EIF3J: variants seen among roughly 807,000 people sequenced by gnomAD.
EIF3J encodes eukaryotic translation initiation factor 3 subunit J.
EIF3J carries 15 observed loss-of-function variants against 39.0 expected under a neutral mutation model. The observed-to-expected ratio is 0.38, with a 90% CI of 0.26 to 0.59. The LOEUF (loss-of-function observed/expected upper bound fraction) is 0.59, where lower values mean the gene tolerates loss of function less well. Ranked by LOEUF, EIF3J falls within the 20% of genes least tolerant of loss-of-function variation. The pLI is 0.60. For synonymous variants in EIF3J, 98 were observed against 112.9 expected, an observed-to-expected ratio of 0.87 and a Z score of 0.84; for missense variants, 226 against 308.6, an observed-to-expected ratio of 0.73 and a Z score of 2.00.
chr15:44,549,493 G>C (rs1054057110), intron 2 of EIF3J, among the ~76,000 whole-genome samples: 1 of 152,134 alleles, frequency 6.6e-6, no homozygotes, highest in Non-Finnish European at 1.5e-5. Context: ...ACTGGGGCTA[G>C]GCACGGTGGC....
intron 2 of EIF3J, 22 bp downstream of exon 2, chr15:44,537,449 G>T: frequency 6.6e-7 from 1 of 1,512,470 alleles, no homozygotes. Flanking sequence ...CTAGGGCGCC[G>T]GGCAGCGCGG....
Position 44,553,863 on chromosome 15 carries a change from C to T in EIF3J, c.295-690C>T, listed in dbSNP as rs1289767117. Among the ~76,000 whole-genome samples the T allele has an allele frequency of 2.0e-5, 3 of 152,144 alleles. No homozygotes were observed. The East Asian group carries it at 5.8e-4, about 29-fold the overall frequency. On this transcript the variant is annotated intron_variant, in intron 4 of 7. Coordinates refer to ENST00000261868, the MANE Select transcript of EIF3J (RefSeq NM_003758.4). ...AGACTTGATCCATATTACCAAGTTG[C>T]CCTAGAAAGGGTTTTCCAATATAGT...
chr15:44,557,711 A>G, intron 6 of EIF3J, 61 bp downstream of exon 6: 1 of 1,257,890 alleles, frequency 7.9e-7, no homozygotes. Flanking sequence ...TCTCTTCAGG[A>G]GGTTGAAGGT....
intron 6 of EIF3J, among the ~76,000 whole-genome samples, chr15:44,558,337 C>T (rs1355447096): frequency 6.6e-6 from 1 of 152,110 alleles, no homozygotes; most frequent in Non-Finnish European, 1.5e-5. Flanking sequence ...GGCGCAGTGG[C>T]TCATGCCTGT....
At chr15:44,541,503 C>A (rs569909840) in intron 2 of EIF3J, among the ~76,000 whole-genome samples, 88 of 152,274 alleles carry the variant, frequency 5.8e-4, no homozygotes, top group African/African-American at 2.0e-3. Context: ...CATAGCAAGA[C>A]CCCAACACAT....
intron 7 of EIF3J, chr15:44,560,589 G>A (rs1296907170): frequency 2.5e-6 from 1 of 398,308 alleles, no homozygotes; most frequent in African/African-American, 2.0e-5. Context: ...AGGTAAATCA[G>A]CTTTTCTAAG....
intron 2 of EIF3J, among the ~76,000 whole-genome samples, chr15:44,544,520 C>T (rs1056379031): frequency 2.7e-5 from 4 of 149,030 alleles, no homozygotes; most frequent in African/African-American, 9.9e-5. Flanking sequence ...GCCTGACCAA[C>T]ATGGAGAAAC....
intron 4 of EIF3J, among the ~76,000 whole-genome samples, chr15:44,553,491 C>CA (rs879690186): frequency 1.1e-3 from 123 of 114,022 alleles, no homozygotes; most frequent in Admixed American, 2.3e-3. Flanking sequence ...GACTCCATCT[C>CA]AAAAAAAAAA....
intron 2 of EIF3J, among the ~76,000 whole-genome samples, chr15:44,538,016 C>T (rs2081974988): frequency 6.6e-6 from 1 of 152,066 alleles, no homozygotes; most frequent in South Asian, 2.1e-4. Flanking sequence ...ATGAACTGAC[C>T]ACTGAGATAG....
intron 6 of EIF3J, 54 bp downstream of exon 6, chr15:44,557,704 C>G: frequency 7.7e-7 from 1 of 1,301,952 alleles, no homozygotes; most frequent in Non-Finnish European, 1.0e-6. Flanking sequence ...AGGATGTTCT[C>G]TTCAGGAGGT....
chr15:44,539,415 T>C (rs2081989131), intron 2 of EIF3J, among the ~76,000 whole-genome samples: 1 of 148,390 alleles, frequency 6.7e-6, no homozygotes, highest in Admixed American at 6.7e-5. Context: ...CCAGTTGCTC[T>C]TTTTTTTTTG....
chr15:44,558,581 G>C (rs2082164230), intron 6 of EIF3J: 1 of 152,198 alleles, frequency 6.6e-6, no homozygotes, highest in South Asian at 2.1e-4. Flanking sequence ...TGGGATTACA[G>C]GCGCCTGCCA....
intron 2 of EIF3J, among the ~76,000 whole-genome samples, chr15:44,548,371 C>T (rs992309099): frequency 3.9e-5 from 6 of 152,166 alleles, no homozygotes; most frequent in South Asian, 2.1e-4. Flanking sequence ...GCTGAGATCG[C>T]GCCATTGCAC....
At chr15:44,537,496 C>T in intron 2 of EIF3J, 69 bp downstream of exon 2, 1 of 1,413,644 alleles carries the variant, frequency 7.1e-7, no homozygotes, top group Non-Finnish European at 9.2e-7. Context: ...ACTCTGGGCC[C>T]CGGGTCGCTG....
chr15:44,553,599 TCTA>T (rs745509977), intron 4 of EIF3J, among the ~76,000 whole-genome samples: 1 of 152,162 alleles, frequency 6.6e-6, no homozygotes, highest in Non-Finnish European at 1.5e-5. Context: ...ACAAATGACA[TCTA>T]CTATTATATC....
chr15:44,550,182 A>C (rs1217650016), intron 2 of EIF3J, among the ~76,000 whole-genome samples: 1 of 152,230 alleles, frequency 6.6e-6, no homozygotes, highest in Non-Finnish European at 1.5e-5. Context: ...CAGATAAGGT[A>C]GCATACCTGT....
At chr15:44,539,315 C>G (rs564458114) in intron 2 of EIF3J, among the ~76,000 whole-genome samples, 63 of 152,074 alleles carry the variant, frequency 4.1e-4, no homozygotes, top group Admixed American at 1.8e-3. Flanking sequence ...CGTGAGCTAC[C>G]GTACCCAGCC....
intron 2 of EIF3J, among the ~76,000 whole-genome samples, chr15:44,541,995 T>C (rs879623424): frequency 5.3e-5 from 8 of 152,232 alleles, no homozygotes; most frequent in African/African-American, 9.7e-5. Flanking sequence ...AATAAACCAC[T>C]TGTTTAGTGT....
chr15:44,546,433 G>C (rs1488864515), intron 2 of EIF3J, among the ~76,000 whole-genome samples: 1 of 152,132 alleles, frequency 6.6e-6, no homozygotes, highest in Non-Finnish European at 1.5e-5. Context: ...TTTTTATTAA[G>C]AACCAAGGCT....
Sources: allele counts gnomAD v4.1 joint callset (sites outside exome capture counted in the v4.1 genomes callset), GRCh38; gene constraint gnomAD v4.1.1; transcripts MANE v1.5; gene names NCBI Gene and HGNC (gene_info 2026-07-23, HGNC 2026-07-21).